The following CMYA5 variants were observed in gnomAD, a reference collection of about 807,000 sequenced individuals.
CMYA5 encodes cardiomyopathy-associated protein 5.
Under a neutral mutation model 318.9 loss-of-function variants are expected in CMYA5, and 246 were observed. The ratio of observed to expected loss-of-function variants is 0.77; its 90% confidence interval spans 0.70 to 0.86. The LOEUF is 0.86. CMYA5 is among the 40% of genes least tolerant of loss of function. The probability of loss-of-function intolerance (pLI) is 0.00; values close to 1 mark genes in which losing one functional copy is unlikely to be tolerated. For synonymous variants in CMYA5, 1,641 were observed against 1,729.5 expected (o/e 0.95, Z 1.27); for missense variants, 4,589 against 4,678.2 (o/e 0.98, Z 0.56).
rs144347529 is a variant in CMYA5 at position 79,753,257 on chromosome 5, A to G, written c.11110+463A>G. Among the ~76,000 whole-genome samples, 144 of 152,280 alleles carry G rather than the reference A, an allele frequency of 9.5e-4. 5 individuals are homozygous for G. In the East Asian group the frequency reaches 0.027, roughly 28 times the overall value. On this transcript the variant is annotated intron_variant, in intron 6 of 12. Transcript: ENST00000446378. ...CAAACTAAACAGATGAGCTTAGAGA[A>G]CTATCAGCTCAGCACCATGGTCTGT... is the stretch of plus-strand genomic sequence containing the variant.
intron 2 of CMYA5, 132 bp from the exon 3 acceptor site, chr5:79,743,695 T>G: frequency 4.4e-6 from 2 of 456,342 alleles, no homozygotes; most frequent in East Asian, 3.5e-5. Context: ...AATTTAAGGA[T>G]TGATTTGTTA....
In CMYA5 at chr5:79,762,964, A is replaced by C; in HGVS notation, c.11408-98A>C. On this transcript the variant is annotated intron_variant, in intron 8 of 12. Transcript: ENST00000446378. Reference sequence around the variant, plus strand: ...TACACTTTCTGATGAAAAATTGAAAACAGAATCATGCCGAAGCCGTGGAAG... The same window carrying C: ...TACACTTTCTGATGAAAAATTGAAACCAGAATCATGCCGAAGCCGTGGAAG... 2.9e-6 allele frequency: 4 copies of C among 1,372,818 alleles called. No individual in the cohort carries two copies. In the South Asian group the frequency reaches 5.7e-5, roughly 19 times the overall value. The allele number at this position is 1,372,818 out of a possible 1,614,324, so 85.0% of individuals were successfully genotyped here.
At chr5:79,796,920 C>T (rs1282477271) in intron 12 of CMYA5, among the ~76,000 whole-genome samples, 1 of 152,116 alleles carries the variant, frequency 6.6e-6, no homozygotes, top group Non-Finnish European at 1.5e-5. Context: ...GCCATTTTCT[C>T]AGCTATGCAA....
At chr5:79,779,018 G>T (rs1216562285) in intron 9 of CMYA5, among the ~76,000 whole-genome samples, 2 of 84,056 alleles carry the variant, frequency 2.4e-5, no homozygotes, top group African/African-American at 6.1e-5. Context: ...ACCCACTAAC[G>T]TGTCATCTAG....
Position 79,734,430 on chromosome 5 carries a change from C to G in CMYA5, c.5665C>G (p.Pro1889Ala). 6.2e-7 allele frequency: 1 copy of G among 1,613,638 alleles called. No individual in the cohort carries two copies. The stretch of plus-strand genomic sequence containing the variant: ...AAAAATGGAAGAATTCTTTATTTCT[C>G]CAAAGGATGAAAACTGGATGTTGGG... ...ETKMEEFFIS[P>A]KDENWMLGKP... Residue 1889 changes from proline to alanine, a missense_variant, in exon 2 of 13, where the codon CCA becomes GCA. Pro to Ala is a conservative substitution (Grantham distance 27). This residue lies in a region of CMYA5 where 26 missense variants were observed against 51.8 expected (regional missense o/e 0.50). Coordinates refer to ENST00000446378, the MANE Select transcript of CMYA5 (RefSeq NM_153610.5).
intron 1 of CMYA5, among the ~76,000 whole-genome samples, chr5:79,710,719 G>A (rs934845724): frequency 1.8e-4 from 27 of 152,172 alleles, no homozygotes; most frequent in African/African-American, 6.0e-4. Flanking sequence ...ATTTTTACAG[G>A]TAGGACCTAA....
At chr5:79,773,696 GTGAATGAATGAA>G (rs148088756) in intron 9 of CMYA5, among the ~76,000 whole-genome samples, 41 of 151,994 alleles carry the variant, frequency 2.7e-4, no homozygotes, top group Non-Finnish European at 4.9e-4. Flanking sequence ...TCACGAATGA[GTGAATGAATGAA>G]TGAATGAATG....
chr5:79,795,875 G>T (rs1445527578), intron 12 of CMYA5, among the ~76,000 whole-genome samples: 1 of 152,196 alleles, frequency 6.6e-6, no homozygotes, highest in Non-Finnish European at 1.5e-5. Context: ...CAGGCTTCTG[G>T]ATGATTATTT....
intron 1 of CMYA5, among the ~76,000 whole-genome samples, chr5:79,698,659 T>C (rs1827118459): frequency 6.6e-6 from 1 of 152,254 alleles, no homozygotes; most frequent in African/African-American, 2.4e-5. Flanking sequence ...CCCTGCCACA[T>C]GGGCTTAGTT....
chr5:79,730,122 C>A lies in CMYA5; in HGVS notation c.1357C>A (p.Pro453Thr). The part of the protein sequence containing the change: ...LAASTQDGLD[P>T]DQEQPDLTSI... ...AGCATCTACCCAGGATGGTTTGGAC[C>A]CAGACCAAGAACAGCCGGACCTGAC... The change falls in exon 2 of 13, where the codon CCA (proline) becomes ACA (threonine). Residue 453 changes from proline to threonine, a missense_variant. Pro to Thr is a conservative substitution (Grantham distance 38). This residue lies in a region of CMYA5 where 2,132 missense variants were observed against 2,131.3 expected (regional missense o/e 1.00). Transcript: ENST00000446378. 6.2e-7 allele frequency: 1 copy of A among 1,613,722 alleles called. No homozygotes were observed. The highest frequency in any genetic ancestry group is 8.5e-7 in the Non-Finnish European group (1 of 1,179,872).
chr5:79,696,688 A>G (rs1827073189), intron 1 of CMYA5, among the ~76,000 whole-genome samples: 1 of 152,220 alleles, frequency 6.6e-6, no homozygotes, highest in African/African-American at 2.4e-5. Context: ...TTTATAAATA[A>G]AATTAATTTC....
intron 12 of CMYA5, among the ~76,000 whole-genome samples, chr5:79,798,189 C>T (rs1829306246): frequency 6.6e-6 from 1 of 152,072 alleles, no homozygotes; most frequent in Non-Finnish European, 1.5e-5. Context: ...CCCCTAAATA[C>T]TTGCACTTGA....
rs747877893 is a variant in CMYA5, at chr5:79,734,990, G to A, written c.6225G>A (p.Pro2075=). ...CTTCTGTCAAAACAGCCCATTTCCC[G>A]GCAGAAGGTGTGGAACCTGCATTGG... The part of the protein sequence containing the change: ...ISSSVKTAHF[P]AEGVEPALGN... Residue 2075 remains proline (P), a synonymous_variant, in exon 2 of 13, where the codon CCG becomes CCA. Transcript: ENST00000446378. The A allele has an allele frequency of 2.4e-5, 38 of 1,613,566 alleles. No individual in the cohort carries two copies. Among genetic ancestry groups the A allele is most frequent in the East Asian group, 2.0e-4 (9 of 44,890 alleles).
At chr5:79,796,445 C>T (rs1398261486) in intron 12 of CMYA5, among the ~76,000 whole-genome samples, 1 of 152,026 alleles carries the variant, frequency 6.6e-6, no homozygotes, top group African/African-American at 2.4e-5. Flanking sequence ...GTGTGTGTGA[C>T]AGTATATACA....
Position 79,738,347 on chromosome 5 carries a change from G to C in CMYA5, c.9582G>C (p.Lys3194Asn). Residue 3194 changes from lysine (K) to asparagine (N), a missense_variant, in exon 2 of 13, where the codon AAG (lysine) becomes AAC (asparagine). Physicochemically the swap from Lys to Asn is moderately conservative, Grantham distance 94. Coordinates refer to ENST00000446378, the MANE Select transcript of CMYA5 (RefSeq NM_153610.5). ...EEPPALAFLY[K>N]DLYEEAVGEK... ...CACCTGCACTTGCATTTTTATATAA[G>C]GATCTGTATGAAGAAGCAGTTGGAG... is the stretch of plus-strand genomic sequence containing the variant. 1 of 1,613,724 alleles carries C rather than the reference G, an allele frequency of 6.2e-7. No homozygotes were observed. Among genetic ancestry groups the C allele is most frequent in the Non-Finnish European group, 8.5e-7 (1 of 1,179,822 alleles).
Position 79,732,974 on chromosome 5 carries a change from G to GGTAA in CMYA5, c.4210_4213dup (p.Thr1405SerfsTer6). The GGTAA allele has an allele frequency of 6.2e-7, 1 of 1,613,300 alleles. No individual in the cohort carries two copies. On this transcript the variant is annotated frameshift_variant, in exon 2 of 13. Transcript: ENST00000446378. LOFTEE classifies it high-confidence loss of function. ...AATTAGGAAGTGGTTTGCCACCACT[G>GGTAA]GTAACATCTGCAGATGAACATTCAG...
chr5:79,727,749 G>GT (rs1827776961), intron 1 of CMYA5, among the ~76,000 whole-genome samples: 1 of 152,160 alleles, frequency 6.6e-6, no homozygotes, highest in African/African-American at 2.4e-5. Context: ...GAGGAACAGC[G>GT]TAAGTACAAG....
chr5:79,709,957 T>G, intron 1 of CMYA5, among the ~76,000 whole-genome samples: 1 of 37,190 alleles, frequency 2.7e-5, no homozygotes, highest in African/African-American at 1.6e-4. Flanking sequence ...TGAGACTCCA[T>G]CTCAAAAAAA....
chr5:79,791,954 T>C (rs1829188044), intron 11 of CMYA5, among the ~76,000 whole-genome samples: 1 of 152,132 alleles, frequency 6.6e-6, no homozygotes, highest in African/African-American at 2.4e-5. Flanking sequence ...TTGAAAACTG[T>C]AACACACGGG....
Sources: gnomAD v4.1 joint callset for allele counts (sites outside exome capture counted in the v4.1 genomes callset) on GRCh38, gnomAD v4.1.1 for gene constraint, gnomAD v4.1.1 regional missense constraint, MANE v1.5 for transcripts, NCBI Gene and HGNC (gene_info 2026-07-23, HGNC 2026-07-21) for gene names.